The following TTLL7 variants were observed in gnomAD, a reference collection of about 807,000 sequenced individuals.
TTLL7 encodes the protein tubulin tyrosine ligase like 7.
A neutral mutation model predicts 120.2 loss-of-function variants in TTLL7; 53 were observed. The observed-to-expected ratio is 0.44, with a 90% confidence interval of 0.35 to 0.55. TTLL7 has a LOEUF of 0.55. Among genes scored for constraint, TTLL7 ranks in the 20% least tolerant of loss-of-function variants. The pLI, the probability that TTLL7 is intolerant of heterozygous loss-of-function variation, is 0.00. For missense variants in TTLL7, 803 were observed against 1,054.7 expected, an observed-to-expected ratio of 0.76 and a Z score of 3.31; for synonymous variants, 353 against 351.7, an observed-to-expected ratio of 1.00 and a Z score of -0.04.
Position 83,990,957 on chromosome 1 carries a change from G to C in TTLL7, c.-177+7974C>G, listed in dbSNP as rs374117038. On this transcript the variant is annotated intron_variant, in intron 1 of 20. Coordinates refer to ENST00000260505, the MANE Select transcript of TTLL7 (RefSeq NM_024686.6). Reference sequence around the variant, plus strand: ...GGTGGAAGCAACACAACTGTCCATGGATGATGAATGGATAAACAAATGTGG... The same window carrying C: ...GGTGGAAGCAACACAACTGTCCATGCATGATGAATGGATAAACAAATGTGG... Among the ~76,000 whole-genome samples, 25 of 152,318 alleles carry C rather than the reference G, an allele frequency of 1.6e-4. No individual in the cohort carries two copies. In the South Asian group the frequency reaches 5.2e-3, roughly 32 times the overall value.
intron 1 of TTLL7, among the ~76,000 whole-genome samples, chr1:83,954,962 A>G (rs1203624635): frequency 2.0e-5 from 3 of 152,188 alleles, no homozygotes; most frequent in Non-Finnish European, 4.4e-5. Flanking sequence ...CAATTTTCCA[A>G]AATTTCAAGC....
At chr1:83,887,161 G>A (rs1053667054) in intron 19 of TTLL7, 21 of 960,152 alleles carry the variant, frequency 2.2e-5, no homozygotes, top group Non-Finnish European at 2.4e-5. Context: ...AGGTAGACAG[G>A]GGATGGTTTA....
intron 1 of TTLL7, among the ~76,000 whole-genome samples, chr1:83,988,284 A>G (rs1012852446): frequency 2.0e-5 from 3 of 152,206 alleles, no homozygotes; most frequent in Non-Finnish European, 4.4e-5. Flanking sequence ...TCCACCGCTG[A>G]TGGCACCTCG....
At chr1:83,930,739 T>C (rs1397888598) in intron 9 of TTLL7, among the ~76,000 whole-genome samples, 3 of 152,156 alleles carry the variant, frequency 2.0e-5, no homozygotes, top group Non-Finnish European at 2.9e-5. Context: ...TCTGTCTTTG[T>C]AGAATTCCTC....
chr1:83,919,362 T>A (rs1291948296), intron 13 of TTLL7, among the ~76,000 whole-genome samples: 1 of 152,044 alleles, frequency 6.6e-6, no homozygotes, highest in Non-Finnish European at 1.5e-5. Context: ...ATGTTTGTTA[T>A]AATCCAAAAA....
intron 1 of TTLL7, among the ~76,000 whole-genome samples, chr1:83,994,779 C>T (rs1413322140): frequency 6.6e-6 from 1 of 152,180 alleles, no homozygotes; most frequent in African/African-American, 2.4e-5. Flanking sequence ...CCTGCTCTCA[C>T]CTTTGTGAAT....
In TTLL7 at chr1:83,883,131, G is replaced by T; in HGVS notation, c.2375C>A (p.Ser792Tyr). ...GCTTTTATTGAATATACTCTCCCAAGAGGATCTGTTGGCATGGAAACAGAC... is the reference window on the plus strand; with the variant it reads ...GCTTTTATTGAATATACTCTCCCAATAGGATCTGTTGGCATGGAAACAGAC... ...LWNCFCDSGS[S>Y]WESIFNKSPE... The change falls in exon 20 of 21, where the codon TCT becomes TAT. Residue 792 changes from serine to tyrosine, a missense_variant. This residue lies in a region of TTLL7 where 388 missense variants were observed against 450.4 expected (regional missense o/e 0.86). Transcript: ENST00000260505. The T allele has an allele frequency of 1.9e-6, 3 of 1,588,680 alleles. No individual in the cohort carries two copies. The highest frequency in any genetic ancestry group is 2.6e-6 in the Non-Finnish European group (3 of 1,166,436).
intron 1 of TTLL7, among the ~76,000 whole-genome samples, chr1:83,996,054 C>T (rs900279183): frequency 1.3e-5 from 2 of 151,910 alleles, no homozygotes; most frequent in African/African-American, 2.4e-5. Flanking sequence ...ATTAAAACTA[C>T]GCATGAAAAA....
At chr1:83,888,575 G>C (rs1373364847) in intron 19 of TTLL7, among the ~76,000 whole-genome samples, 1 of 151,904 alleles carries the variant, frequency 6.6e-6, no homozygotes, top group Non-Finnish European at 1.5e-5. Context: ...GTATAGTATG[G>C]GGCTTTACAT....
rs1351379471 is a variant in TTLL7 at position 83,949,990 on chromosome 1, C to G, written c.158-4G>C. ...ATTTCATCTATTACTAAACGAACTG[C>G]AAGTAAACAGTTAAGTTAAACCAAA... On this transcript the variant is annotated splice_region_variant and splice_polypyrimidine_tract_variant and intron_variant, in intron 3 of 20. Coordinates refer to ENST00000260505, the MANE Select transcript of TTLL7 (RefSeq NM_024686.6). 6.2e-7 allele frequency: 1 copy of G among 1,606,830 alleles called. No homozygotes were observed. The highest frequency in any genetic ancestry group is 8.5e-7 in the Non-Finnish European group (1 of 1,177,560).
intron 14 of TTLL7, among the ~76,000 whole-genome samples, chr1:83,916,110 A>T (rs1658134363): frequency 6.6e-6 from 1 of 152,172 alleles, no homozygotes; most frequent in Admixed American, 6.5e-5. Flanking sequence ...AGAACTAGAA[A>T]TACCATTTGA....
intron 1 of TTLL7, among the ~76,000 whole-genome samples, chr1:83,988,187 C>T (rs1196311894): frequency 6.6e-6 from 1 of 152,222 alleles, no homozygotes; most frequent in East Asian, 1.9e-4. Flanking sequence ...CCTCCAGCTG[C>T]ATCCATGTTG....
Position 83,925,686 on chromosome 1 carries a change from G to T in TTLL7, c.1142+3450C>A, listed in dbSNP as rs191135049. Among the ~76,000 whole-genome samples the T allele has an allele frequency of 3.5e-4, 53 of 152,254 alleles. 2 individuals are homozygous for T. In the East Asian group the frequency reaches 5.2e-3, roughly 15 times the overall value. Reference sequence around the variant, plus strand: ...GTGAATCGTTTTGCCATTAACTTTGGCAAAGCAAACTGGATAATTACCATT... The same window carrying T: ...GTGAATCGTTTTGCCATTAACTTTGTCAAAGCAAACTGGATAATTACCATT... On this transcript the variant is annotated intron_variant, in intron 10 of 20. Coordinates refer to ENST00000260505, the MANE Select transcript of TTLL7 (RefSeq NM_024686.6).
In TTLL7 at chr1:83,942,697, A is replaced by C. The variant is rs1648091093; in HGVS notation, c.507-18T>G. 6.4e-7 allele frequency: 1 copy of C among 1,562,110 alleles called. No homozygotes were observed. The highest frequency in any genetic ancestry group is 2.3e-5 in the East Asian group (1 of 44,216). On this transcript the variant is annotated intron_variant, in intron 6 of 20. Coordinates refer to ENST00000260505, the MANE Select transcript of TTLL7 (RefSeq NM_024686.6). Reference sequence around the variant, plus strand: ...AAGAAATCCTATGTTTAAAGAAAAAAATTAAAAGAATGATTTGACATAGAG... The same window carrying C: ...AAGAAATCCTATGTTTAAAGAAAAACATTAAAAGAATGATTTGACATAGAG...
chr1:83,889,655 T>G (rs922000746), intron 19 of TTLL7, among the ~76,000 whole-genome samples: 4 of 152,116 alleles, frequency 2.6e-5, no homozygotes, highest in African/African-American at 7.2e-5. Flanking sequence ...GTAATATGGT[T>G]AGTTATTATC....
At chr1:83,934,428 T>A (rs143723678) in intron 8 of TTLL7, among the ~76,000 whole-genome samples, 378 of 152,256 alleles carry the variant, frequency 2.5e-3, no homozygotes, top group African/African-American at 8.7e-3. Flanking sequence ...TCCACTTAGA[T>A]AAAGGCTGAA....
intron 20 of TTLL7, among the ~76,000 whole-genome samples, chr1:83,871,107 C>T (rs1653349531): frequency 6.6e-6 from 1 of 150,948 alleles, no homozygotes; most frequent in Non-Finnish European, 1.5e-5. Context: ...ACCTCTGCCT[C>T]CAGGTTCAAG....
At chr1:83,962,409 A>T (rs1650092092) in intron 1 of TTLL7, among the ~76,000 whole-genome samples, 1 of 152,080 alleles carries the variant, frequency 6.6e-6, no homozygotes, top group South Asian at 2.1e-4. Context: ...TACGGTTTGT[A>T]TTAGTTTACT....
intron 10 of TTLL7, among the ~76,000 whole-genome samples, chr1:83,924,268 T>A (rs905633871): frequency 6.6e-6 from 1 of 152,170 alleles, no homozygotes; most frequent in Non-Finnish European, 1.5e-5. Flanking sequence ...AAGGAGTTAG[T>A]AAACCATTCT....
Sources: gnomAD v4.1 joint callset for allele counts (sites outside exome capture counted in the v4.1 genomes callset) on GRCh38, gnomAD v4.1.1 for gene constraint, gnomAD v4.1.1 regional missense constraint, MANE v1.5 for transcripts, NCBI Gene and HGNC (gene_info 2026-07-23, HGNC 2026-07-21) for gene names.